The following SFMBT1 variants were observed in gnomAD, a reference collection of about 807,000 sequenced individuals.
The protein encoded by SFMBT1 is scm-like with four MBT domains protein 1.
Under a neutral mutation model 108.7 loss-of-function variants are expected in SFMBT1, and 32 were observed. That is an observed-to-expected ratio of 0.29 (90% CI 0.22 to 0.40). The LOEUF (loss-of-function observed/expected upper bound fraction) is 0.40. SFMBT1 is among the 10% of genes least tolerant of loss of function. SFMBT1 has a pLI of 1.00. For synonymous variants in SFMBT1, 348 were observed against 369.5 expected (o/e 0.94, Z 0.67); for missense variants, 816 against 1,059.6 (o/e 0.77, Z 3.19).
chr3:52,912,474 C>G, intron 16 of SFMBT1, 64 bp downstream of exon 16: 16 of 1,430,822 alleles, frequency 1.1e-5, no homozygotes, highest in Non-Finnish European at 1.4e-5. Context: ...CACTGTGCCA[C>G]GCCGATTCTG....
intron 1 of SFMBT1, among the ~76,000 whole-genome samples, chr3:53,033,323 G>C (rs1417199306): frequency 6.6e-6 from 1 of 152,020 alleles, no homozygotes; most frequent in Non-Finnish European, 1.5e-5. Flanking sequence ...ACCACGCCCA[G>C]CTAACTTTTG....
intron 1 of SFMBT1, among the ~76,000 whole-genome samples, chr3:53,010,395 C>T (rs552733784): frequency 6.6e-6 from 1 of 152,348 alleles, no homozygotes; most frequent in African/African-American, 2.4e-5. Flanking sequence ...AGTGACCGAA[C>T]ATGGCTGCCA....
At chr3:52,917,177 A>G (rs1159379700) in intron 13 of SFMBT1, among the ~76,000 whole-genome samples, 1 of 152,138 alleles carries the variant, frequency 6.6e-6, no homozygotes, top group Non-Finnish European at 1.5e-5. Flanking sequence ...TTCTGTTGTT[A>G]GTTTTATTAC....
chr3:52,952,463 T>C (rs1451602830), intron 3 of SFMBT1, among the ~76,000 whole-genome samples: 39 of 152,216 alleles, frequency 2.6e-4, no homozygotes, highest in Non-Finnish European at 2.9e-5. Context: ...TATGACTGTT[T>C]GGATATAGGC....
chr3:52,975,006 G>GAA (rs565616671), intron 1 of SFMBT1, among the ~76,000 whole-genome samples: 2 of 134,568 alleles, frequency 1.5e-5, no homozygotes, highest in Non-Finnish European at 1.6e-5. Context: ...CCCTGTATCA[G>GAA]AAAAAAAAAA....
chr3:52,981,649 G>A (rs779241481), intron 1 of SFMBT1, among the ~76,000 whole-genome samples: 52 of 151,732 alleles, frequency 3.4e-4, no homozygotes, highest in Non-Finnish European at 5.6e-4. Context: ...AAAATGCTGG[G>A]ATTTCAAGAA....
chr3:52,920,710 T>C, intron 11 of SFMBT1, 60 bp from the exon 12 acceptor site: 2 of 1,023,022 alleles, frequency 2.0e-6, no homozygotes, highest in Non-Finnish European at 3.0e-6. Context: ...GACCATTAAA[T>C]AACCTTCTTC....
At chr3:53,024,988 C>T (rs1699439322) in intron 1 of SFMBT1, among the ~76,000 whole-genome samples, 1 of 148,362 alleles carries the variant, frequency 6.7e-6, no homozygotes, top group South Asian at 2.2e-4. Flanking sequence ...TAACATTCTC[C>T]AATAGTTATT....
intron 1 of SFMBT1, among the ~76,000 whole-genome samples, chr3:53,015,584 T>C (rs1699098728): frequency 6.6e-6 from 1 of 152,216 alleles, no homozygotes; most frequent in African/African-American, 2.4e-5. Context: ...AGCCATATAG[T>C]AGACTATTAT....
At chr3:53,033,811 T>C (rs1392978029) in intron 1 of SFMBT1, among the ~76,000 whole-genome samples, 1 of 150,202 alleles carries the variant, frequency 6.7e-6, no homozygotes, top group Non-Finnish European at 1.5e-5. Flanking sequence ...GGCTCACGCC[T>C]GTAATCCCAG....
intron 1 of SFMBT1, among the ~76,000 whole-genome samples, chr3:53,042,298 T>C (rs1043195438): frequency 6.6e-6 from 1 of 152,196 alleles, no homozygotes; most frequent in African/African-American, 2.4e-5. Context: ...AGCAAAAGTA[T>C]ACTACAGAAG....
At chr3:52,994,422 T>C (rs1698242420) in intron 1 of SFMBT1, among the ~76,000 whole-genome samples, 1 of 149,902 alleles carries the variant, frequency 6.7e-6, no homozygotes, top group Non-Finnish European at 1.5e-5. Flanking sequence ...CAACACCAAC[T>C]ATTGAACTAT....
At chr3:52,984,475 A>G (rs1450374192) in intron 1 of SFMBT1, among the ~76,000 whole-genome samples, 1 of 152,008 alleles carries the variant, frequency 6.6e-6, no homozygotes, top group Non-Finnish European at 1.5e-5. Flanking sequence ...AGGTTTACCA[A>G]TCAGCCTTGA....
chr3:53,004,456 A>G (rs1698671613), intron 1 of SFMBT1, among the ~76,000 whole-genome samples: 1 of 149,630 alleles, frequency 6.7e-6, no homozygotes, highest in East Asian at 1.9e-4. Flanking sequence ...AATTTTTAGT[A>G]GAGAAGGGGT....
chr3:52,941,320 G>A (rs1227353467), intron 4 of SFMBT1, among the ~76,000 whole-genome samples: 2 of 152,090 alleles, frequency 1.3e-5, no homozygotes, highest in Non-Finnish European at 2.9e-5. Flanking sequence ...TTGGCCAGGC[G>A]CGGTGGCTCA....
At chr3:52,969,785 A>C (rs534457118) in intron 1 of SFMBT1, among the ~76,000 whole-genome samples, 1 of 152,326 alleles carries the variant, frequency 6.6e-6, no homozygotes, top group Non-Finnish European at 1.5e-5. Flanking sequence ...ATAAGCTTTG[A>C]ACCTGCTTAT....
intron 3 of SFMBT1, among the ~76,000 whole-genome samples, chr3:52,947,950 C>T (rs1411919821): frequency 6.6e-6 from 1 of 151,906 alleles, no homozygotes; most frequent in Non-Finnish European, 1.5e-5. Context: ...GTCTAGGCTG[C>T]TCTCGAACTC....
chr3:52,904,932 C>T lies in SFMBT1; in HGVS notation c.*204G>A, dbSNP rs2106753691. 2.0e-6 allele frequency: 1 copy of T among 512,668 alleles called. No homozygotes were observed. The highest frequency in any genetic ancestry group is 3.4e-5 in the East Asian group (1 of 29,682). 31.8% of individuals were successfully genotyped at this position (512,668 alleles called of 1,614,324 possible). On this transcript the variant is annotated 3_prime_UTR_variant, in exon 21 of 21. Transcript: ENST00000394752. ...TGCCATCTGCTGAACAAGAGATGTC[C>T]ACATTTCCACCAGCAGGTGATCCAC...
At chr3:52,974,788 G>A (rs1403524143) in intron 1 of SFMBT1, among the ~76,000 whole-genome samples, 2 of 143,914 alleles carry the variant, frequency 1.4e-5, no homozygotes, top group South Asian at 2.1e-4. Context: ...TCACGAGTTC[G>A]AGATAAGCCT....
Sources: gnomAD v4.1 joint callset for allele counts (sites outside exome capture counted in the v4.1 genomes callset) on GRCh38, gnomAD v4.1.1 for gene constraint, MANE v1.5 for transcripts, NCBI Gene and HGNC (gene_info 2026-07-23, HGNC 2026-07-21) for gene names.